The following PCSK2 variants were observed in gnomAD, a reference collection of about 807,000 sequenced individuals.
PCSK2 encodes neuroendocrine convertase 2.
Under a neutral mutation model 69.7 loss-of-function variants are expected in PCSK2, and 14 were observed. That is an observed-to-expected ratio of 0.20 (90% CI 0.13 to 0.31). The LOEUF (loss-of-function observed/expected upper bound fraction) is 0.31, where lower values mean the gene tolerates loss of function less well. PCSK2 is among the 10% of genes least tolerant of loss of function. The pLI, the probability that PCSK2 is intolerant of heterozygous loss-of-function variation, is 1.00. For synonymous variants in PCSK2, 307 were observed against 320.7 expected, an observed-to-expected ratio of 0.96 and a Z score of 0.46; for missense variants, 544 against 842.5, an observed-to-expected ratio of 0.65 and a Z score of 4.39.
At chr20:17,279,622 A>T (rs143536488) in intron 2 of PCSK2, among the ~76,000 whole-genome samples, 1,872 of 152,138 alleles carry the variant, frequency 0.012, 24 homozygotes, top group Non-Finnish European at 0.015. Context: ...CCTGACCAAC[A>T]TGGAGAAACC....
intron 7 of PCSK2, among the ~76,000 whole-genome samples, chr20:17,430,877 C>T (rs2032349349): frequency 6.6e-6 from 1 of 152,206 alleles, no homozygotes. Flanking sequence ...AAAATGACCA[C>T]CTGCAAAAGT....
At chr20:17,250,397 A>G (rs1045251921) in intron 1 of PCSK2, among the ~76,000 whole-genome samples, 1 of 152,190 alleles carries the variant, frequency 6.6e-6, no homozygotes, top group Admixed American at 6.5e-5. Context: ...AGAAAATCAC[A>G]TGAACAATGT....
chr20:17,469,938 T>C (rs184204561), intron 11 of PCSK2, among the ~76,000 whole-genome samples: 2 of 152,182 alleles, frequency 1.3e-5, no homozygotes, highest in Admixed American at 1.3e-4. Context: ...ACCCACCTAG[T>C]GGGTGCTCCC....
At chr20:17,423,558 T>G (rs2032179866) in intron 6 of PCSK2, among the ~76,000 whole-genome samples, 2 of 152,002 alleles carry the variant, frequency 1.3e-5, no homozygotes, top group South Asian at 4.1e-4. Flanking sequence ...GAATGTAAAT[T>G]AGGGATGGAT....
At chr20:17,380,002 G>A (rs77815017) in intron 5 of PCSK2, among the ~76,000 whole-genome samples, 12,871 of 152,234 alleles carry the variant, frequency 0.085, 681 homozygotes, top group Non-Finnish European at 0.12. Context: ...GGGAGCTGAG[G>A]CCTCACTCCT....
chr20:17,423,141 C>T (rs1335449257), intron 6 of PCSK2, among the ~76,000 whole-genome samples: 1 of 152,126 alleles, frequency 6.6e-6, no homozygotes, highest in Non-Finnish European at 1.5e-5. Flanking sequence ...CTCAGGAGGT[C>T]CTGAGAACAG....
intron 5 of PCSK2, among the ~76,000 whole-genome samples, chr20:17,382,402 G>T (rs117741856): frequency 6.6e-6 from 1 of 152,308 alleles, no homozygotes; most frequent in Non-Finnish European, 1.5e-5. Flanking sequence ...AGCTCACACA[G>T]ACAGTGAGTA....
intron 6 of PCSK2, among the ~76,000 whole-genome samples, chr20:17,428,286 G>A (rs2032288645): frequency 6.6e-6 from 1 of 152,268 alleles, no homozygotes; most frequent in East Asian, 1.9e-4. Flanking sequence ...GTGACACTGG[G>A]TTTACATATC....
intron 6 of PCSK2, among the ~76,000 whole-genome samples, chr20:17,420,038 T>C (rs2032088206): frequency 1.3e-5 from 2 of 152,176 alleles, no homozygotes; most frequent in Admixed American, 6.5e-5. Context: ...GATGGATAAA[T>C]GGAGGCTGAA....
chr20:17,275,185 A>G (rs2123033254), intron 2 of PCSK2, among the ~76,000 whole-genome samples: 1 of 151,644 alleles, frequency 6.6e-6, no homozygotes. Flanking sequence ...ATTCGAGTTT[A>G]AGAAATCAAT....
chr20:17,406,003 T>A (rs2031742626), intron 5 of PCSK2, among the ~76,000 whole-genome samples: 1 of 152,218 alleles, frequency 6.6e-6, no homozygotes, highest in Non-Finnish European at 1.5e-5. Context: ...ACAGCTAGTA[T>A]TTTCTAAAGC....
intron 5 of PCSK2, among the ~76,000 whole-genome samples, chr20:17,397,759 G>A (rs760027799): frequency 2.6e-5 from 4 of 152,136 alleles, no homozygotes; most frequent in South Asian, 2.1e-4. Flanking sequence ...TTACAAGTGT[G>A]AGCCGCCGCC....
At chr20:17,325,306 AAGC>A in intron 2 of PCSK2, among the ~76,000 whole-genome samples, 1 of 152,290 alleles carries the variant, frequency 6.6e-6, no homozygotes, top group South Asian at 2.1e-4. Context: ...ACACATTTAT[AAGC>A]AGCTCAATTT....
intron 5 of PCSK2, among the ~76,000 whole-genome samples, chr20:17,378,153 C>T (rs909062293): frequency 2.6e-5 from 4 of 151,968 alleles, no homozygotes; most frequent in African/African-American, 9.7e-5. Flanking sequence ...AAAACACCAC[C>T]CATATAGGAA....
chr20:17,395,717 CT>C (rs1166719523), intron 5 of PCSK2, among the ~76,000 whole-genome samples: 3 of 152,172 alleles, frequency 2.0e-5, no homozygotes, highest in Non-Finnish European at 4.4e-5. Flanking sequence ...CAACAGACCC[CT>C]GATACAGTAT....
chr20:17,471,356 G>A (rs2033198156), intron 11 of PCSK2, among the ~76,000 whole-genome samples: 1 of 152,206 alleles, frequency 6.6e-6, no homozygotes, highest in Non-Finnish European at 1.5e-5. Flanking sequence ...GATCAATGCA[G>A]TGTTTTCAAT....
At chr20:17,252,088 T>C (rs530284290) in intron 1 of PCSK2, among the ~76,000 whole-genome samples, 6 of 152,276 alleles carry the variant, frequency 3.9e-5, no homozygotes, top group African/African-American at 1.4e-4. Flanking sequence ...ACAAGTCTAA[T>C]GGCCCCTTAT....
intron 2 of PCSK2, among the ~76,000 whole-genome samples, chr20:17,345,586 A>C (rs1568611153): frequency 6.6e-6 from 1 of 152,254 alleles, no homozygotes; most frequent in Admixed American, 6.5e-5. Flanking sequence ...TTACAAAAGC[A>C]GTCAGCAGAC....
intron 2 of PCSK2, among the ~76,000 whole-genome samples, chr20:17,296,177 G>C (rs902041456): frequency 3.3e-5 from 5 of 152,184 alleles, no homozygotes; most frequent in Admixed American, 6.5e-5. Context: ...AGCAAAGCAG[G>C]CTCCCTTGGG....
Sources: gnomAD v4.1 joint callset for allele counts (sites outside exome capture counted in the v4.1 genomes callset) on GRCh38, gnomAD v4.1.1 for gene constraint, MANE v1.5 for transcripts, NCBI Gene and HGNC (gene_info 2026-07-23, HGNC 2026-07-21) for gene names.